TBC1D5: variants seen among roughly 807,000 people sequenced by gnomAD.
TBC1D5 encodes the protein TBC1 domain family member 5.
A neutral mutation model predicts 100.3 loss-of-function variants in TBC1D5; 75 were observed. The ratio of observed to expected loss-of-function variants is 0.75; its 90% confidence interval spans 0.62 to 0.91. TBC1D5 has a LOEUF of 0.91. TBC1D5 is among the 40% of genes least tolerant of loss of function. The pLI, the probability that TBC1D5 is intolerant of heterozygous loss-of-function variation, is 0.00. For missense variants in TBC1D5, 910 were observed against 942.4 expected, an observed-to-expected ratio of 0.97 and a Z score of 0.45; for synonymous variants, 323 against 325.6, an observed-to-expected ratio of 0.99 and a Z score of 0.09.
intron 2 of TBC1D5, among the ~76,000 whole-genome samples, chr3:17,607,703 A>G (rs1398229020): frequency 6.6e-6 from 1 of 151,360 alleles, no homozygotes; most frequent in African/African-American, 2.5e-5. Flanking sequence ...AGGCCACAGT[A>G]CCCAGAATAG....
chr3:17,325,698 A>G (rs756470781), intron 13 of TBC1D5, among the ~76,000 whole-genome samples: 5 of 152,214 alleles, frequency 3.3e-5, no homozygotes, highest in Non-Finnish European at 7.3e-5. Flanking sequence ...TTTATATGAT[A>G]TTCTGGAAAT....
At chr3:17,499,908 C>A (rs1020439271) in intron 3 of TBC1D5, among the ~76,000 whole-genome samples, 1 of 149,252 alleles carries the variant, frequency 6.7e-6, no homozygotes, top group Non-Finnish European at 1.5e-5. Flanking sequence ...CACCACACAA[C>A]CTCCCATGTC....
At chr3:17,403,304 T>C in intron 7 of TBC1D5, 56 bp from the exon 8 acceptor site, 1 of 1,220,954 alleles carries the variant, frequency 8.2e-7, no homozygotes, top group South Asian at 1.7e-5. Flanking sequence ...TTACTTTTAG[T>C]GATTTCAATT....
intron 3 of TBC1D5, among the ~76,000 whole-genome samples, chr3:17,502,048 T>C (rs2095793441): frequency 1.3e-5 from 2 of 149,626 alleles, no homozygotes; most frequent in South Asian, 4.2e-4. Context: ...CACCTCCTTT[T>C]CTTTTTCCCT....
In TBC1D5 at chr3:17,196,431, G is replaced by T. The variant is rs1407595111; in HGVS notation, c.1753-11223C>A. On this transcript the variant is annotated intron_variant, in intron 18 of 21. Transcript: ENST00000253692. The stretch of plus-strand genomic sequence containing the variant: ...GGAAACAACACAGAAGTATGAGAAA[G>T]CATGCTTGGTTTAAGGGAAGTGAAA... Among the ~76,000 whole-genome samples, 3 of 152,304 alleles carry T rather than the reference G, an allele frequency of 2.0e-5. No individual in the cohort carries two copies. In the Middle Eastern group the frequency reaches 0.01, roughly 518 times the overall value.
intron 2 of TBC1D5, among the ~76,000 whole-genome samples, chr3:17,527,972 C>T (rs1449326153): frequency 6.6e-6 from 1 of 152,134 alleles, no homozygotes; most frequent in Non-Finnish European, 1.5e-5. Flanking sequence ...TATGTTCAGG[C>T]CCCTGCTATA....
intron 14 of TBC1D5, among the ~76,000 whole-genome samples, chr3:17,306,178 C>A (rs1366243849): frequency 6.6e-6 from 1 of 152,198 alleles, no homozygotes; most frequent in Non-Finnish European, 1.5e-5. Context: ...GGCTTGCCAA[C>A]ACCTGCACAA....
intron 2 of TBC1D5, among the ~76,000 whole-genome samples, chr3:17,603,570 C>T (rs969044956): frequency 2.6e-5 from 4 of 152,112 alleles, no homozygotes; most frequent in Admixed American, 2.0e-4. Context: ...ATGAATAGCC[C>T]ACTGCTTGTT....
At chr3:17,702,688 T>C (rs1464320747) in intron 1 of TBC1D5, among the ~76,000 whole-genome samples, 3 of 152,304 alleles carry the variant, frequency 2.0e-5, no homozygotes, top group African/African-American at 7.2e-5. Context: ...TTGTCATCAA[T>C]ATGAACGAGA....
chr3:17,700,666 G>T (rs542263973), intron 1 of TBC1D5, among the ~76,000 whole-genome samples: 10 of 152,054 alleles, frequency 6.6e-5, no homozygotes, highest in Non-Finnish European at 1.0e-4. Context: ...AAAAGTGGGC[G>T]AAGGATATGA....
At chr3:17,554,051 T>C (rs1167183276) in intron 2 of TBC1D5, among the ~76,000 whole-genome samples, 1 of 152,204 alleles carries the variant, frequency 6.6e-6, no homozygotes, top group Non-Finnish European at 1.5e-5. Context: ...CTATTTTTAG[T>C]CAACTTTCAC....
chr3:17,714,356 G>T (rs1319875388), intron 1 of TBC1D5, among the ~76,000 whole-genome samples: 3 of 152,156 alleles, frequency 2.0e-5, no homozygotes, highest in African/African-American at 7.2e-5. Context: ...TAAATTAGGA[G>T]CATAGAGGGG....
In TBC1D5 at chr3:17,540,780, G is replaced by A. The variant is rs565120790; in HGVS notation, c.-35-32175C>T. Among the ~76,000 whole-genome samples the A allele has an allele frequency of 1.2e-3, 177 of 151,450 alleles. 1 individual carries two copies. Among genetic ancestry groups the A allele is most frequent in the African/African-American group, 3.3e-3 (135 of 41,272 alleles). ...AAATTAGCCGGGCATGATGGTGGGCGCCTGTAATCCCAACTGCTGGGGAAG... is the reference window on the plus strand; with the variant it reads ...AAATTAGCCGGGCATGATGGTGGGCACCTGTAATCCCAACTGCTGGGGAAG... On this transcript the variant is annotated intron_variant, in intron 2 of 21. Transcript: ENST00000253692.
intron 16 of TBC1D5, among the ~76,000 whole-genome samples, chr3:17,256,435 T>C (rs1027651051): frequency 2.7e-5 from 4 of 148,272 alleles, no homozygotes; most frequent in African/African-American, 4.9e-5. Flanking sequence ...ATATAATATA[T>C]ATATAAACTC....
intron 4 of TBC1D5, among the ~76,000 whole-genome samples, chr3:17,424,922 C>T (rs2094302043): frequency 6.6e-6 from 1 of 152,164 alleles, no homozygotes; most frequent in Non-Finnish European, 1.5e-5. Flanking sequence ...CTTTCATCTA[C>T]TAGGTTTTCA....
At chr3:17,398,671 G>T (rs1250868418) in intron 8 of TBC1D5, among the ~76,000 whole-genome samples, 9 of 152,066 alleles carry the variant, frequency 5.9e-5, no homozygotes, top group Non-Finnish European at 1.3e-4. Flanking sequence ...GGTTTGAAAG[G>T]TAAGATCTGG....
chr3:17,308,994 C>A (rs1029312361), intron 13 of TBC1D5, among the ~76,000 whole-genome samples: 2 of 152,016 alleles, frequency 1.3e-5, no homozygotes, highest in African/African-American at 4.8e-5. Flanking sequence ...GACATGGCTA[C>A]AATTTCCTTA....
intron 8 of TBC1D5, among the ~76,000 whole-genome samples, chr3:17,384,807 T>C (rs887917505): frequency 6.6e-6 from 1 of 152,058 alleles, no homozygotes; most frequent in Non-Finnish European, 1.5e-5. Flanking sequence ...TACTGCCTGC[T>C]GGGAGCAGGA....
chr3:17,386,748 C>G (rs1397208187), intron 8 of TBC1D5, among the ~76,000 whole-genome samples: 1 of 152,136 alleles, frequency 6.6e-6, no homozygotes, highest in Non-Finnish European at 1.5e-5. Context: ...TACTCTGACT[C>G]GGAAGGCTGC....
Sources: allele counts gnomAD v4.1 joint callset (sites outside exome capture counted in the v4.1 genomes callset), GRCh38; gene constraint gnomAD v4.1.1; transcripts MANE v1.5; gene names NCBI Gene and HGNC (gene_info 2026-07-23, HGNC 2026-07-21).